The following NKAIN3 variants were observed in gnomAD, a reference collection of about 807,000 sequenced individuals.
NKAIN3 encodes the protein sodium/potassium-transporting ATPase subunit beta-1-interacting protein 3.
A neutral mutation model predicts 30.2 loss-of-function variants in NKAIN3; 25 were observed. The observed-to-expected ratio is 0.83, with a 90% CI of 0.60 to 1.16. The LOEUF is 1.16. Among genes scored for constraint, NKAIN3 ranks in the 50% most tolerant of loss-of-function variants. NKAIN3 has a pLI of 0.00. For synonymous variants in NKAIN3, 91 were observed against 89.6 expected (o/e 1.02, Z -0.09); for missense variants, 225 against 254.1 (o/e 0.89, Z 0.78).
At chr8:62,395,231 G>C (rs115422810) in intron 1 of NKAIN3, among the ~76,000 whole-genome samples, 18 of 141,466 alleles carry the variant, frequency 1.3e-4, no homozygotes, top group African/African-American at 4.7e-4. Context: ...AGGGAGGTGC[G>C]GGGAGAGGTG....
chr8:62,511,951 A>G (rs913219452), intron 1 of NKAIN3, among the ~76,000 whole-genome samples: 2 of 152,154 alleles, frequency 1.3e-5, no homozygotes, highest in Admixed American at 6.5e-5. Flanking sequence ...TTTGATTAAT[A>G]TCTGTTTCCC....
intron 1 of NKAIN3, among the ~76,000 whole-genome samples, chr8:62,272,059 A>G (rs894885465): frequency 1.3e-5 from 2 of 152,222 alleles, no homozygotes; most frequent in Non-Finnish European, 2.9e-5. Flanking sequence ...CATAGATTCT[A>G]CCAGGAAAAC....
intron 4 of NKAIN3, among the ~76,000 whole-genome samples, chr8:62,751,377 G>A (rs1563545695): frequency 1.3e-5 from 2 of 152,136 alleles, no homozygotes; most frequent in Admixed American, 6.5e-5. Flanking sequence ...TCTGTCCGGC[G>A]TTTGGGCCCC....
In NKAIN3 at chr8:62,982,991, C is replaced by G. The variant is rs1463699716; in HGVS notation, c.*17584C>G. ...CATTCATGAATAAGTCTAATTTTCT[C>G]TCCGGTGTGTAAAACTGACAATACC... On this transcript the variant is annotated 3_prime_UTR_variant, in exon 7 of 7. Transcript: ENST00000623646. 1 of 152,136 alleles carries G rather than the reference C, an allele frequency of 6.6e-6. No individual in the cohort carries two copies. The highest frequency in any genetic ancestry group is 1.5e-5 in the Non-Finnish European group (1 of 68,036). 9.4% of individuals were successfully genotyped at this position (152,136 alleles called of 1,614,324 possible).
chr8:62,298,240 T>C (rs1813908637), intron 1 of NKAIN3, among the ~76,000 whole-genome samples: 1 of 151,918 alleles, frequency 6.6e-6, no homozygotes, highest in Non-Finnish European at 1.5e-5. Context: ...AGTTAATGGG[T>C]GCAGCACACC....
intron 4 of NKAIN3, among the ~76,000 whole-genome samples, chr8:62,788,869 G>T (rs1429601579): frequency 2.0e-5 from 3 of 151,990 alleles, no homozygotes; most frequent in African/African-American, 7.3e-5. Flanking sequence ...ATTTCTGAGG[G>T]CTCTGTTCTG....
At chr8:62,251,433 C>A (rs1039880941) in intron 1 of NKAIN3, among the ~76,000 whole-genome samples, 2 of 151,996 alleles carry the variant, frequency 1.3e-5, no homozygotes, top group African/African-American at 2.4e-5. Context: ...TTGGCAGAAT[C>A]TTTTTGCTGA....
chr8:62,350,066 G>C (rs1252115579), intron 1 of NKAIN3, among the ~76,000 whole-genome samples: 1 of 152,188 alleles, frequency 6.6e-6, no homozygotes, highest in Non-Finnish European at 1.5e-5. Flanking sequence ...CTGTATGGCA[G>C]TTCTTCAAAA....
chr8:62,487,552 C>A (rs143659632), intron 1 of NKAIN3, among the ~76,000 whole-genome samples: 14 of 152,290 alleles, frequency 9.2e-5, no homozygotes, highest in African/African-American at 3.4e-4. Context: ...CATGAAGAGA[C>A]ATGGTTGAAT....
chr8:62,741,616 A>T (rs1480121), intron 3 of NKAIN3, among the ~76,000 whole-genome samples: 112,629 of 152,060 alleles, frequency 0.74, 42,255 homozygotes, highest in Admixed American at 0.81. Context: ...TTCTCTGTAA[A>T]CAACTACCTC....
intron 1 of NKAIN3, among the ~76,000 whole-genome samples, chr8:62,472,800 G>C (rs1455920161): frequency 6.6e-6 from 1 of 152,180 alleles, no homozygotes; most frequent in Non-Finnish European, 1.5e-5. Flanking sequence ...AGTTACACAT[G>C]CTTAGGAAAA....
intron 4 of NKAIN3, among the ~76,000 whole-genome samples, chr8:62,845,015 G>A (rs1466813814): frequency 9.9e-5 from 15 of 151,748 alleles, no homozygotes; most frequent in Non-Finnish European, 1.5e-5. Context: ...AATAATGCCC[G>A]TTTTTCCTAC....
intron 3 of NKAIN3, among the ~76,000 whole-genome samples, chr8:62,680,670 C>T (rs1813619213): frequency 6.6e-6 from 1 of 152,012 alleles, no homozygotes; most frequent in South Asian, 2.1e-4. Flanking sequence ...GTCTTCTGCC[C>T]TAAAATTCAG....
At chr8:62,850,488 T>G (rs975196847) in intron 4 of NKAIN3, among the ~76,000 whole-genome samples, 4 of 152,152 alleles carry the variant, frequency 2.6e-5, no homozygotes, top group African/African-American at 9.6e-5. Flanking sequence ...TTTTGGCTTT[T>G]GTTGCCATTG....
At chr8:62,631,269 G>T (rs184972855) in intron 3 of NKAIN3, among the ~76,000 whole-genome samples, 3 of 152,160 alleles carry the variant, frequency 2.0e-5, no homozygotes, top group Admixed American at 2.0e-4. Flanking sequence ...ACTCTTCCTC[G>T]ATGTCGCCTC....
intron 3 of NKAIN3, among the ~76,000 whole-genome samples, chr8:62,647,847 T>A (rs1812512296): frequency 6.6e-6 from 1 of 152,128 alleles, no homozygotes; most frequent in Non-Finnish European, 1.5e-5. Flanking sequence ...GTCTTTGAGA[T>A]TGATGTTTCA....
intron 1 of NKAIN3, among the ~76,000 whole-genome samples, chr8:62,476,758 A>G (rs548777698): frequency 2.0e-5 from 3 of 152,090 alleles, no homozygotes; most frequent in Non-Finnish European, 2.9e-5. Context: ...CCCGGCCTCT[A>G]TAGTAATTTA....
chr8:62,990,119 T>A (rs1269631198), intron 5 of NKAIN3: 3 of 884,390 alleles, frequency 3.4e-6, no homozygotes, highest in East Asian at 2.8e-5. Context: ...TCTAATAAGA[T>A]CAATTTAAAT....
At chr8:62,258,328 G>C (rs1234125474) in intron 1 of NKAIN3, among the ~76,000 whole-genome samples, 1 of 152,102 alleles carries the variant, frequency 6.6e-6, no homozygotes, top group Non-Finnish European at 1.5e-5. Flanking sequence ...TTTTCATCAG[G>C]TGAAGATGAA....
Sources: gnomAD v4.1 joint callset for allele counts (sites outside exome capture counted in the v4.1 genomes callset) on GRCh38, gnomAD v4.1.1 for gene constraint, MANE v1.5 for transcripts, NCBI Gene and HGNC (gene_info 2026-07-23, HGNC 2026-07-21) for gene names.